TRPM8: variants seen among roughly 807,000 people sequenced by gnomAD.
TRPM8 encodes TRPM8 cationic channel.
Under a neutral mutation model 133.7 loss-of-function variants are expected in TRPM8, and 110 were observed. That is an observed-to-expected ratio of 0.82 (90% confidence interval 0.70 to 0.96). TRPM8 has a LOEUF of 0.96. Among genes scored for constraint, TRPM8 ranks in the 40% least tolerant of loss-of-function variants. TRPM8 has a pLI of 0.00. For missense variants in TRPM8, 1,291 were observed against 1,379.5 expected (o/e 0.94, Z 1.02); for synonymous variants, 535 against 532.3 (o/e 1.01, Z -0.07).
intron 17 of TRPM8, among the ~76,000 whole-genome samples, chr2:233,971,611 G>A (rs764066350): frequency 2.6e-5 from 4 of 152,090 alleles, no homozygotes; most frequent in South Asian, 2.1e-4. Flanking sequence ...GGACCCTTGC[G>A]GTGAGTGTTA....
intron 3 of TRPM8, among the ~76,000 whole-genome samples, chr2:233,935,895 A>G (rs1191794013): frequency 1.3e-5 from 2 of 152,212 alleles, no homozygotes; most frequent in Non-Finnish European, 2.9e-5. Flanking sequence ...CACATCTCTC[A>G]GGATGCCCTG....
intron 24 of TRPM8, among the ~76,000 whole-genome samples, chr2:234,012,495 G>A (rs1692866547): frequency 6.6e-6 from 1 of 151,872 alleles, no homozygotes; most frequent in Non-Finnish European, 1.5e-5. Flanking sequence ...GTGTGTGTGT[G>A]TGAGTGTGTG....
chr2:233,973,623 G>A (rs1366907335), intron 17 of TRPM8, among the ~76,000 whole-genome samples: 1 of 152,212 alleles, frequency 6.6e-6, no homozygotes, highest in African/African-American at 2.4e-5. Flanking sequence ...CCAAGGTACT[G>A]GGGGCTAGGA....
chr2:234,007,207 C>G (rs896595604), intron 23 of TRPM8, among the ~76,000 whole-genome samples: 2 of 152,152 alleles, frequency 1.3e-5, no homozygotes, highest in Admixed American at 1.3e-4. Context: ...GTATTTGGAG[C>G]CTGCAGTGCA....
At chr2:233,926,689 C>A in intron 2 of TRPM8, 35 bp downstream of exon 2, 1 of 1,493,936 alleles carries the variant, frequency 6.7e-7, no homozygotes, top group Non-Finnish European at 9.3e-7. Flanking sequence ...GAAAGGTTAT[C>A]ATTGTAACCT....
At chr2:233,937,199 T>G in intron 3 of TRPM8, 154 bp from the exon 4 acceptor site, 7 of 958,978 alleles carry the variant, frequency 7.3e-6, no homozygotes, top group Non-Finnish European at 9.2e-6. Flanking sequence ...CCCGTCCACA[T>G]CAAACTAGTT....
intron 6 of TRPM8, 132 bp downstream of exon 6, chr2:233,942,880 C>T: frequency 2.0e-6 from 2 of 982,296 alleles, no homozygotes; most frequent in Non-Finnish European, 3.2e-6. Context: ...TCAAGGAGTG[C>T]CTTTGGGACC....
At chr2:234,000,677 C>A (rs1184698739) in intron 22 of TRPM8, among the ~76,000 whole-genome samples, 1 of 93,522 alleles carries the variant, frequency 1.1e-5, no homozygotes, top group African/African-American at 5.0e-5. Flanking sequence ...TCCAAAGAAA[C>A]AACCTTTTTT....
rs1019853348 is a variant in TRPM8 at position 233,982,028 on chromosome 2, A to T, written c.2589+113A>T. The T allele has an allele frequency of 2.1e-5, 25 of 1,191,432 alleles. No homozygotes were observed. In the African/African-American group the frequency reaches 2.7e-4, roughly 13 times the overall value. 73.8% of individuals were successfully genotyped at this position (1,191,432 alleles called of 1,614,324 possible). A position where few individuals can be genotyped will look rare whatever the true frequency, so the allele number is the denominator to read the frequency against. Reference sequence around the variant, plus strand: ...ACGACTGTTGCATTTCACCATCAGTAACATTCGCTTTCTTTGATGTATTTC... The same window carrying T: ...ACGACTGTTGCATTTCACCATCAGTTACATTCGCTTTCTTTGATGTATTTC... On this transcript the variant is annotated intron_variant, in intron 19 of 25. Transcript: ENST00000324695.
At chr2:233,924,482 G>A (rs1189602609) in intron 1 of TRPM8, among the ~76,000 whole-genome samples, 1 of 152,126 alleles carries the variant, frequency 6.6e-6, no homozygotes, top group Non-Finnish European at 1.5e-5. Flanking sequence ...TTCTGAGCCT[G>A]AAGTCCTGCA....
rs1273059733 is a variant in TRPM8, at chr2:233,969,785, G to T, written c.2116G>T (p.Gly706Cys). Residue 706 changes from glycine to cysteine, a missense_variant, in exon 16 of 26, where the codon GGC becomes TGC. This residue lies in a region of TRPM8 where 963 missense variants were observed against 968.9 expected (regional missense o/e 0.99). Coordinates refer to ENST00000324695, the MANE Select transcript of TRPM8 (RefSeq NM_024080.5). The part of the protein sequence containing the change: ...ILCLFIIPLV[G>C]CGFVSFRKKP... The stretch of plus-strand genomic sequence containing the variant: ...GTGTCTGTTTATTATACCCTTGGTG[G>T]GCTGTGGCTTTGTATCATTTAGGTA... 6.2e-7 allele frequency: 1 copy of T among 1,613,090 alleles called. No homozygotes were observed. The highest frequency in any genetic ancestry group is 1.1e-5 in the South Asian group (1 of 91,040).
intron 9 of TRPM8, 46 bp from the exon 10 acceptor site, chr2:233,953,871 A>G (rs745583972): frequency 1.4e-6 from 2 of 1,476,664 alleles, no homozygotes; most frequent in African/African-American, 2.8e-5. Flanking sequence ...TATGCTCCTC[A>G]TGCCTAAAAT....
chr2:234,002,189 G>A (rs201434216), intron 22 of TRPM8, among the ~76,000 whole-genome samples: 1 of 151,924 alleles, frequency 6.6e-6, no homozygotes, highest in East Asian at 1.9e-4. Context: ...CAAGCAAAGA[G>A]GCAGAGGCTG....
At chr2:233,996,664 A>G in intron 22 of TRPM8, 148 bp downstream of exon 22, 1 of 744,160 alleles carries the variant, frequency 1.3e-6, no homozygotes, top group Non-Finnish European at 2.2e-6. Flanking sequence ...GCCTCAGGCC[A>G]ACCAATGAAT....
chr2:233,947,329 A>G (rs893590462), intron 8 of TRPM8, 174 bp downstream of exon 8: 3 of 1,543,482 alleles, frequency 1.9e-6, no homozygotes, highest in African/African-American at 2.7e-5. Flanking sequence ...TCCTCAGTCA[A>G]GAAGATTTGG....
chr2:233,998,272 A>G (rs965664978), intron 22 of TRPM8, among the ~76,000 whole-genome samples: 2 of 152,206 alleles, frequency 1.3e-5, no homozygotes, highest in Non-Finnish European at 2.9e-5. Context: ...ATGAGCTTTT[A>G]GATTAAAGAA....
intron 2 of TRPM8, 84 bp from the exon 3 acceptor site, chr2:233,930,584 G>T (rs1033433513): frequency 3.4e-6 from 3 of 872,134 alleles, no homozygotes; most frequent in Non-Finnish European, 3.6e-6. Context: ...TTGAAGTGGG[G>T]TTACATCATA....
chr2:233,970,191 C>G lies in TRPM8; in HGVS notation c.2139-19C>G. On this transcript the variant is annotated intron_variant, in intron 16 of 25. Transcript: ENST00000324695. ...CATGCTTGCAAGGATGCTGACGATGCCCTTATCTCTGGGTCCAGGAAGAAA... is the reference window on the plus strand; with the variant it reads ...CATGCTTGCAAGGATGCTGACGATGGCCTTATCTCTGGGTCCAGGAAGAAA... 6.2e-7 allele frequency: 1 copy of G among 1,611,040 alleles called. No homozygotes were observed. The highest frequency in any genetic ancestry group is 8.5e-7 in the Non-Finnish European group (1 of 1,177,218).
chr2:234,004,577 A>G (rs1326736224), intron 22 of TRPM8, among the ~76,000 whole-genome samples: 1 of 152,250 alleles, frequency 6.6e-6, no homozygotes, highest in Non-Finnish European at 1.5e-5. Flanking sequence ...GAGCAGTGGA[A>G]TCCAAAGTTT....
Sources: allele counts gnomAD v4.1 joint callset (sites outside exome capture counted in the v4.1 genomes callset), GRCh38; gene constraint gnomAD v4.1.1; regional missense constraint gnomAD v4.1.1; transcripts MANE v1.5; gene names NCBI Gene and HGNC (gene_info 2026-07-23, HGNC 2026-07-21).